Variants in KIAA0586 observed in about 807,000 individuals in gnomAD.
KIAA0586 encodes the protein protein TALPID3.
KIAA0586 carries 144 observed loss-of-function variants against 169.8 expected under a neutral mutation model. That is an observed-to-expected ratio of 0.85 (90% confidence interval 0.74 to 0.97). The LOEUF (loss-of-function observed/expected upper bound fraction) is 0.97, where lower values mean the gene tolerates loss of function less well. KIAA0586 is among the 50% of genes least tolerant of loss of function. The pLI, the probability that KIAA0586 is intolerant of heterozygous loss-of-function variation, is 0.00. For missense variants in KIAA0586, 1,854 were observed against 1,823.0 expected (o/e 1.02, Z -0.31); for synonymous variants, 625 against 612.4 (o/e 1.02, Z -0.30).
chr14:58,473,875 CA>C, intron 18 of KIAA0586, among the ~76,000 whole-genome samples: 1 of 151,946 alleles, frequency 6.6e-6, no homozygotes, highest in Non-Finnish European at 1.5e-5. Context: ...CATTGGACTC[CA>C]GCCTGGGTGA....
rs377601821 is a variant in KIAA0586, at chr14:58,465,716, G to A, written c.2060-119G>A. 6 of 592,030 alleles carry A rather than the reference G, an allele frequency of 1.0e-5. 1 individual carries two copies. The highest frequency in any genetic ancestry group is 1.9e-5 in the African/African-American group (1 of 52,594). 36.7% of individuals were successfully genotyped at this position (592,030 alleles called of 1,614,324 possible). On this transcript the variant is annotated intron_variant, in intron 14 of 30. Transcript: ENST00000652326. ...GTCTATATATTACTTCTGTTTTGGG[G>A]CCTTGTAACCTTATATAGAATTAAG...
At position 58,511,932 on chromosome 14, in the gene KIAA0586, G is replaced by A. The variant is rs1200338566; in HGVS notation, c.4324-590G>A. Among the ~76,000 whole-genome samples, 4 of 152,168 alleles carry A rather than the reference G, an allele frequency of 2.6e-5. No homozygotes were observed. The East Asian group carries it at 5.8e-4, about 22-fold the overall frequency. On this transcript the variant is annotated intron_variant, in intron 28 of 30. Transcript: ENST00000652326. Reference sequence around the variant, plus strand: ...GAAAGAAAATCACACAATTTGTGATGTGTGATTACGAAGAGATTTATGACT... The same window carrying A: ...GAAAGAAAATCACACAATTTGTGATATGTGATTACGAAGAGATTTATGACT...
intron 29 of KIAA0586, chr14:58,522,101 AC>A: frequency 1.5e-6 from 1 of 649,292 alleles, no homozygotes. Flanking sequence ...GCACATGCTC[AC>A]TGTTCTCCCA....
rs1469493875 is a variant in KIAA0586, at chr14:58,521,095, G to C, written c.4429+8468G>C. 1.4e-5 allele frequency: 6 copies of C among 440,402 alleles called. No individual in the cohort carries two copies. The East Asian group carries it at 2.6e-4, about 19-fold the overall frequency. 27.3% of individuals were successfully genotyped at this position (440,402 alleles called of 1,614,324 possible). On this transcript the variant is annotated intron_variant, in intron 29 of 30. Coordinates refer to ENST00000652326, the MANE Select transcript of KIAA0586 (RefSeq NM_001329943.3). ...CCTTGCCGACCTTGAGCAGCAGTTG[G>C]CTTCTCCACATAGTACCCGGGAATA...
chr14:58,489,466 C>T (rs555859738), intron 24 of KIAA0586, among the ~76,000 whole-genome samples: 2 of 152,190 alleles, frequency 1.3e-5, no homozygotes, highest in Admixed American at 6.5e-5. Context: ...GTGATCCACC[C>T]GTCTTGGCCT....
At chr14:58,528,967 T>C (rs558099279) in intron 29 of KIAA0586, among the ~76,000 whole-genome samples, 33 of 151,878 alleles carry the variant, frequency 2.2e-4, no homozygotes, top group Admixed American at 1.0e-3. Context: ...GCTAGACTAA[T>C]AAAGAAGAAA....
intron 29 of KIAA0586, among the ~76,000 whole-genome samples, chr14:58,533,065 C>T (rs2046080343): frequency 6.6e-6 from 1 of 152,146 alleles, no homozygotes; most frequent in Admixed American, 6.5e-5. Context: ...TGCAGTAATA[C>T]TGTACCACCT....
At chr14:58,490,120 T>G in intron 24 of KIAA0586, 44 bp from the exon 25 acceptor site, 2 of 934,784 alleles carry the variant, frequency 2.1e-6, no homozygotes, top group Non-Finnish European at 3.2e-6. Context: ...TTACTAAGTT[T>G]GTGTTTCTTT....
intron 26 of KIAA0586, 128 bp from the exon 27 acceptor site, chr14:58,498,655 C>T (rs1344371943): frequency 1.5e-6 from 1 of 663,282 alleles, no homozygotes; most frequent in East Asian, 3.0e-5. Context: ...GTATATGTGG[C>T]ATAGAAGGCA....
chr14:58,443,430 C>T (rs923846476), intron 5 of KIAA0586, among the ~76,000 whole-genome samples: 4 of 152,140 alleles, frequency 2.6e-5, no homozygotes, highest in Admixed American at 6.6e-5. Context: ...TTATTTGTGG[C>T]AGATTTGTTT....
At chr14:58,512,925 A>G (rs2044493343) in intron 29 of KIAA0586, among the ~76,000 whole-genome samples, 1 of 152,046 alleles carries the variant, frequency 6.6e-6, no homozygotes, top group South Asian at 2.1e-4. Context: ...ATCTGTATAT[A>G]GGTCTGTTTG....
At chr14:58,521,780 GGAGCA>G in intron 29 of KIAA0586, 1 of 804,140 alleles carries the variant, frequency 1.2e-6, no homozygotes, top group South Asian at 1.3e-5. Context: ...AGTCGGAAGA[GGAGCA>G]GAGCAGTAGT....
chr14:58,432,263 A>C, intron 3 of KIAA0586, 125 bp from the exon 4 acceptor site: 6 of 606,846 alleles, frequency 9.9e-6, no homozygotes, highest in African/African-American at 1.9e-5. Context: ...GTCCTTTTCG[A>C]TCGTGGAATG....
rs541197914 is a variant in KIAA0586 at position 58,448,420 on chromosome 14, T to C, written c.888T>C (p.Tyr296=). Residue 296 remains tyrosine, a synonymous_variant, in exon 7 of 31, where the codon TAT becomes TAC. Transcript: ENST00000652326. ...SMPSSRAVEK[Y]SVKPEHPNLG... is the part of the protein sequence containing the mutation. ...CCTCCTCCAGAGCAGTGGAAAAGTA[T>C]TCCGTAAAACCAGAACACCCTAATC... The C allele has an allele frequency of 1.2e-6, 2 of 1,611,894 alleles. No individual in the cohort carries two copies. Among genetic ancestry groups the C allele is most frequent in the South Asian group, 1.1e-5 (1 of 91,012 alleles).
At chr14:58,527,899 G>A (rs1254217132) in intron 29 of KIAA0586, among the ~76,000 whole-genome samples, 4 of 152,166 alleles carry the variant, frequency 2.6e-5, no homozygotes, top group Non-Finnish European at 4.4e-5. Context: ...CCAATTAAAA[G>A]AAATAGACTA....
intron 7 of KIAA0586, among the ~76,000 whole-genome samples, chr14:58,448,945 C>G (rs1391136554): frequency 6.6e-6 from 1 of 152,054 alleles, no homozygotes; most frequent in Admixed American, 6.6e-5. Context: ...TAAACCATTT[C>G]TAAATATTTT....
chr14:58,469,105 C>T (rs1437360086), intron 16 of KIAA0586, among the ~76,000 whole-genome samples: 1 of 152,180 alleles, frequency 6.6e-6, no homozygotes, highest in East Asian at 1.9e-4. Context: ...TTATACAGAA[C>T]AGCCTCAACC....
Position 58,456,706 on chromosome 14 carries a change from C to T in KIAA0586, c.1258C>T (p.Pro420Ser). The T allele has an allele frequency of 6.3e-7, 1 of 1,577,152 alleles. No individual in the cohort carries two copies. Among genetic ancestry groups the T allele is most frequent in the Non-Finnish European group, 8.7e-7 (1 of 1,154,702 alleles). ...GWTPEKTNRF[P>S]SCEELETTKV... The stretch of plus-strand genomic sequence containing the variant: ...TGAAACTCTACCTTCTCAAAGATTT[C>T]CTTCCTGTGAAGAGCTAGAAACAAC... Residue 420 changes from proline (P) to serine (S), a missense_variant, in exon 10 of 31, where the codon CCT becomes TCT. Pro to Ser is a moderately conservative substitution (Grantham distance 74). Transcript: ENST00000652326.
chr14:58,543,425 G>C (rs115219480), intron 30 of KIAA0586, among the ~76,000 whole-genome samples: 1 of 152,154 alleles, frequency 6.6e-6, no homozygotes, highest in African/African-American at 2.4e-5. Context: ...ACAGTGCCAG[G>C]CACATAGTAG....
Sources: gnomAD v4.1 joint callset for allele counts (sites outside exome capture counted in the v4.1 genomes callset) on GRCh38, gnomAD v4.1.1 for gene constraint, MANE v1.5 for transcripts, NCBI Gene and HGNC (gene_info 2026-07-23, HGNC 2026-07-21) for gene names.